Variants in FECH observed in about 807,000 individuals in gnomAD.
FECH encodes the protein ferrochelatase, mitochondrial.
FECH carries 40 observed loss-of-function variants against 56.9 expected under a neutral mutation model. The ratio of observed to expected loss-of-function variants is 0.70; its 90% CI spans 0.55 to 0.92. The LOEUF (loss-of-function observed/expected upper bound fraction) is 0.92. Among genes scored for constraint, FECH ranks in the 40% least tolerant of loss-of-function variants. FECH has a pLI of 0.00. For synonymous variants in FECH, 175 were observed against 198.6 expected (o/e 0.88, Z 1.00); for missense variants, 431 against 529.1 (o/e 0.81, Z 1.82).
rs149175862 is a variant in FECH at position 57,574,531 on chromosome 18, G to T, written c.195-1166C>A. Among the ~76,000 whole-genome samples, 786 of 152,346 alleles carry T rather than the reference G, an allele frequency of 5.2e-3. 30 individuals are homozygous for T. Among genetic ancestry groups the T allele is most frequent in the Admixed American group, 0.046 (709 of 15,308 alleles). On this transcript the variant is annotated intron_variant, in intron 2 of 10. Transcript: ENST00000262093. ...TCCATAACAAGTTTTAGGTCAAGCA[G>T]CTTCTGGAAACTTAAAAAAACAAAG... is the stretch of plus-strand genomic sequence containing the variant.
chr18:57,550,905 T>C, intron 10 of FECH, 59 bp from the exon 11 acceptor site: 1 of 1,609,006 alleles, frequency 6.2e-7, no homozygotes, highest in East Asian at 2.2e-5. Flanking sequence ...TCGTCTGCCA[T>C]GCCCCCTCCT....
At chr18:57,556,468 G>C (rs374942864) in intron 7 of FECH, among the ~76,000 whole-genome samples, 2 of 152,166 alleles carry the variant, frequency 1.3e-5, no homozygotes, top group African/African-American at 2.4e-5. Flanking sequence ...ACAGACCCCC[G>C]GGTGTGAGGC....
Position 57,565,732 on chromosome 18 carries a change from A to G in FECH, c.598+715T>C, listed in dbSNP as rs533487639. Among the ~76,000 whole-genome samples, 5 of 152,320 alleles carry G rather than the reference A, an allele frequency of 3.3e-5. No homozygotes were observed. The South Asian group carries it at 1.0e-3, about 32-fold the overall frequency. On this transcript the variant is annotated intron_variant, in intron 5 of 10. Coordinates refer to ENST00000262093, the MANE Select transcript of FECH (RefSeq NM_000140.5). Reference sequence around the variant, plus strand: ...TCTCCTTATGGTTATAGAAGTGATAAACATTAATATCCAAAAGCAATTTGG... The same window carrying G: ...TCTCCTTATGGTTATAGAAGTGATAGACATTAATATCCAAAAGCAATTTGG...
Position 57,546,187 on chromosome 18 carries a change from T to C in FECH, c.*4525A>G, listed in dbSNP as rs1464020365. Among the ~76,000 whole-genome samples, 1 of 152,006 alleles carries C rather than the reference T, an allele frequency of 6.6e-6. No individual in the cohort carries two copies. Among genetic ancestry groups the C allele is most frequent in the African/African-American group, 2.4e-5 (1 of 41,374 alleles). The stretch of plus-strand genomic sequence containing the variant: ...ACCTTCAGGATTCTGGCAGAAGGGG[T>C]TTCAGGTGAGGTGAGAAGGTTAAGA... On this transcript the variant is annotated 3_prime_UTR_variant, in exon 11 of 11. Coordinates refer to ENST00000262093, the MANE Select transcript of FECH (RefSeq NM_000140.5).
chr18:57,575,924 T>C (rs1468379136), intron 2 of FECH, among the ~76,000 whole-genome samples: 1 of 152,194 alleles, frequency 6.6e-6, no homozygotes, highest in Non-Finnish European at 1.5e-5. Flanking sequence ...AGGAGAAATA[T>C]GGCATTACAA....
intron 4 of FECH, among the ~76,000 whole-genome samples, chr18:57,567,376 C>G (rs1018042670): frequency 1.3e-5 from 2 of 152,184 alleles, no homozygotes; most frequent in Non-Finnish European, 2.9e-5. Flanking sequence ...TGTCCTTTCA[C>G]GAATACCCTC....
In FECH at chr18:57,549,622, G is replaced by C. The variant is rs532670023; in HGVS notation, c.*1090C>G. On this transcript the variant is annotated 3_prime_UTR_variant, in exon 11 of 11. Coordinates refer to ENST00000262093, the MANE Select transcript of FECH (RefSeq NM_000140.5). Reference sequence around the variant, plus strand: ...AACACTTTTCACTCATAAATCCAAGGTGACAATGGCATTAAATGGCATTAA... The same window carrying C: ...AACACTTTTCACTCATAAATCCAAGCTGACAATGGCATTAAATGGCATTAA... 16 of 152,098 alleles carry C rather than the reference G, an allele frequency of 1.1e-4. No individual in the cohort carries two copies. The highest frequency in any genetic ancestry group is 3.1e-4 in the African/African-American group (13 of 41,492). 9.4% of individuals were successfully genotyped at this position (152,098 alleles called of 1,614,324 possible).
In FECH at chr18:57,562,277, GTAACATCAGTTCAAAGC is replaced by G. The variant is rs1399653134; in HGVS notation, c.705+580_705+596del. ...TATTTGACAGGCAGAAAAGAATATGGTAACATCAGTTCAAAGCTATTAACTTTAGAACTGTAATTTTA... is the reference window on the plus strand; with the variant it reads ...TATTTGACAGGCAGAAAAGAATATGGTATTAACTTTAGAACTGTAATTTTA... On this transcript the variant is annotated intron_variant, in intron 6 of 10. Coordinates refer to ENST00000262093, the MANE Select transcript of FECH (RefSeq NM_000140.5). 2.0e-5 allele frequency among the ~76,000 whole-genome samples: 3 copies of G among 152,086 alleles called. No individual in the cohort carries two copies. The East Asian group carries it at 5.8e-4, about 29-fold the overall frequency.
chr18:57,566,343 C>T, intron 5 of FECH, 104 bp downstream of exon 5: 1 of 1,486,926 alleles, frequency 6.7e-7, no homozygotes, highest in East Asian at 2.3e-5. Flanking sequence ...TTGAATTTGC[C>T]ATTCAAATTG....
chr18:57,554,527 G>C (rs914638541), intron 8 of FECH, 103 bp from the exon 9 acceptor site: 4 of 1,234,166 alleles, frequency 3.2e-6, no homozygotes, highest in East Asian at 2.3e-5. Context: ...CTGCGGGCAA[G>C]AGCCACTCTT....
At chr18:57,551,111 CATAGTT>C (rs1485475617) in intron 10 of FECH, 198 bp downstream of exon 10, 2 of 636,486 alleles carry the variant, frequency 3.1e-6, no homozygotes, top group South Asian at 2.0e-5. Flanking sequence ...TTAAATCAGA[CATAGTT>C]ATAGGTGGGT....
chr18:57,579,275 G>A (rs868776635), intron 2 of FECH, among the ~76,000 whole-genome samples: 40 of 115,106 alleles, frequency 3.5e-4, no homozygotes, highest in Non-Finnish European at 5.4e-4. Context: ...ATATATATAT[G>A]TGTGTGTGTA....
chr18:57,572,642 T>C (rs960916859), intron 3 of FECH, among the ~76,000 whole-genome samples: 5 of 145,364 alleles, frequency 3.4e-5, no homozygotes, highest in Non-Finnish European at 7.4e-5. Context: ...TGTGTGTGTA[T>C]GTATGTGTAT....
intron 1 of FECH, among the ~76,000 whole-genome samples, chr18:57,581,198 G>A (rs920952327): frequency 6.6e-6 from 1 of 152,170 alleles, no homozygotes. Context: ...CAACATAGGA[G>A]GACAGAACAT....
chr18:57,554,057 A>G (rs2050834318), intron 9 of FECH, among the ~76,000 whole-genome samples: 1 of 152,242 alleles, frequency 6.6e-6, no homozygotes, highest in East Asian at 1.9e-4. Context: ...TAAGGAAAGC[A>G]CAGGTTTCCC....
chr18:57,575,982 A>G (rs2051180404), intron 2 of FECH, among the ~76,000 whole-genome samples: 1 of 152,178 alleles, frequency 6.6e-6, no homozygotes, highest in African/African-American at 2.4e-5. Flanking sequence ...AGATTAACTA[A>G]GGTCCCTTTT....
At position 57,584,320 on chromosome 18, in the gene FECH, G is replaced by A. The variant is rs185635156; in HGVS notation, c.67+2234C>T. On this transcript the variant is annotated intron_variant, in intron 1 of 10. Transcript: ENST00000262093. ...CAGCCTAGGCAACAGAGTGAGACTC[G>A]GTCTCAAAAAAAAAAAAAAAAAAAA... Among the ~76,000 whole-genome samples, 205 of 97,450 alleles carry A rather than the reference G, an allele frequency of 2.1e-3. 1 individual carries two copies. The highest frequency in any genetic ancestry group is 7.4e-3 in the African/African-American group (186 of 25,036). 63.9% of individuals were successfully genotyped at this position (97,450 alleles called of 152,430 possible).
At chr18:57,573,896 C>A (rs963980748) in intron 2 of FECH, among the ~76,000 whole-genome samples, 4 of 152,186 alleles carry the variant, frequency 2.6e-5, no homozygotes, top group Non-Finnish European at 5.9e-5. Context: ...AGCAGGGTTC[C>A]CCCAAAATTT....
At chr18:57,572,630 T>C (rs560681066) in intron 3 of FECH, among the ~76,000 whole-genome samples, 28 of 123,036 alleles carry the variant, frequency 2.3e-4, no homozygotes, top group African/African-American at 8.1e-4. Context: ...TATGTGCGCG[T>C]GTGTGTGTGT....
Sources: allele counts gnomAD v4.1 joint callset (sites outside exome capture counted in the v4.1 genomes callset), GRCh38; gene constraint gnomAD v4.1.1; transcripts MANE v1.5; gene names NCBI Gene and HGNC (gene_info 2026-07-23, HGNC 2026-07-21).